Variants in FBXW7 observed in about 807,000 individuals in gnomAD.
FBXW7 encodes the protein F-box and WD repeat domain containing 7.
A neutral mutation model predicts 86.3 loss-of-function variants in FBXW7; 11 were observed. The ratio of observed to expected loss-of-function variants is 0.13; its 90% CI spans 0.08 to 0.21. The LOEUF is 0.21. FBXW7 is among the 10% of genes least tolerant of loss of function. The pLI is 1.00. For missense variants in FBXW7, 488 were observed against 847.4 expected, an observed-to-expected ratio of 0.58 and a Z score of 5.27; for synonymous variants, 313 against 297.9, an observed-to-expected ratio of 1.05 and a Z score of -0.52.
intron 4 of FBXW7, among the ~76,000 whole-genome samples, chr4:152,406,108 A>T (rs1159053392): frequency 6.6e-6 from 1 of 152,184 alleles, no homozygotes; most frequent in African/African-American, 2.4e-5. Context: ...AATGGATCAG[A>T]TCATTATAAT....
chr4:152,393,668 T>C (rs1312680983), intron 4 of FBXW7, among the ~76,000 whole-genome samples: 4 of 152,130 alleles, frequency 2.6e-5, no homozygotes, highest in African/African-American at 9.7e-5. Flanking sequence ...TGAATAACTG[T>C]TGGCACTTAC....
intron 2 of FBXW7, among the ~76,000 whole-genome samples, chr4:152,492,693 G>C (rs1745976326): frequency 6.6e-6 from 1 of 152,130 alleles, no homozygotes; most frequent in Non-Finnish European, 1.5e-5. Flanking sequence ...TATTAACATA[G>C]GAAATAAGAG....
At chr4:152,330,516 A>G (rs966905921) in intron 9 of FBXW7, among the ~76,000 whole-genome samples, 1 of 152,052 alleles carries the variant, frequency 6.6e-6, no homozygotes, top group African/African-American at 2.4e-5. Context: ...AAGATACTCA[A>G]TTTAACTTAT....
At chr4:152,460,944 T>C (rs1333918806) in intron 2 of FBXW7, among the ~76,000 whole-genome samples, 1 of 152,222 alleles carries the variant, frequency 6.6e-6, no homozygotes, top group Non-Finnish European at 1.5e-5. Context: ...TAGATGACTT[T>C]TATTAATCTA....
At chr4:152,385,025 C>T (rs1458002628) in intron 4 of FBXW7, among the ~76,000 whole-genome samples, 1 of 152,008 alleles carries the variant, frequency 6.6e-6, no homozygotes, top group Non-Finnish European at 1.5e-5. Context: ...TCTCATTAGA[C>T]AATCCCTTTT....
intron 4 of FBXW7, among the ~76,000 whole-genome samples, chr4:152,371,947 C>T (rs918254233): frequency 6.6e-6 from 1 of 151,788 alleles, no homozygotes; most frequent in African/African-American, 2.4e-5. Context: ...ATCTTTGTAA[C>T]AGTAGCAACA....
intron 2 of FBXW7, among the ~76,000 whole-genome samples, chr4:152,532,582 T>C (rs1750115856): frequency 6.6e-6 from 1 of 152,240 alleles, no homozygotes; most frequent in Non-Finnish European, 1.5e-5. Context: ...TTAAATATTG[T>C]GTCTCCACTT....
chr4:152,529,930 C>T (rs531264598), intron 2 of FBXW7, among the ~76,000 whole-genome samples: 104 of 151,818 alleles, frequency 6.9e-4, no homozygotes, highest in African/African-American at 2.4e-3. Flanking sequence ...GTGGCGCATG[C>T]CTGTGATCCC....
At chr4:152,511,299 C>CA (rs1009502383) in intron 2 of FBXW7, among the ~76,000 whole-genome samples, 27 of 151,284 alleles carry the variant, frequency 1.8e-4, no homozygotes, top group Admixed American at 1.8e-3. Flanking sequence ...CCCGCCCCCC[C>CA]CACCGAATCC....
intron 2 of FBXW7, among the ~76,000 whole-genome samples, chr4:152,485,132 T>C (rs974277048): frequency 1.3e-5 from 2 of 151,930 alleles, no homozygotes; most frequent in East Asian, 3.8e-4. Flanking sequence ...AAGATTTTTG[T>C]ATTAGTAAAA....
At chr4:152,468,054 A>C (rs895070750) in intron 2 of FBXW7, among the ~76,000 whole-genome samples, 5 of 152,090 alleles carry the variant, frequency 3.3e-5, no homozygotes, top group Non-Finnish European at 7.4e-5. Flanking sequence ...ATGTGAAATG[A>C]TGCTTATCAT....
chr4:152,392,274 G>A (rs920117136), intron 4 of FBXW7, among the ~76,000 whole-genome samples: 2 of 151,996 alleles, frequency 1.3e-5, no homozygotes, highest in Non-Finnish European at 2.9e-5. Context: ...GACCATTAGA[G>A]ATAGTAAAAA....
intron 4 of FBXW7, chr4:152,382,585 C>T (rs998919287): frequency 1.5e-5 from 12 of 790,098 alleles, no homozygotes; most frequent in Non-Finnish European, 1.8e-5. Context: ...GCTCCTGCTC[C>T]TGCCAGTCAA....
At chr4:152,532,169 C>A (rs987091975) in intron 2 of FBXW7, among the ~76,000 whole-genome samples, 1 of 152,322 alleles carries the variant, frequency 6.6e-6, no homozygotes, top group East Asian at 1.9e-4. Context: ...TTTGAAACTG[C>A]ACCAGTATCC....
intron 4 of FBXW7, among the ~76,000 whole-genome samples, chr4:152,360,239 T>A (rs1732808278): frequency 6.6e-6 from 1 of 152,186 alleles, no homozygotes; most frequent in African/African-American, 2.4e-5. Flanking sequence ...ACTGTGTGGG[T>A]GTGAAGACTG....
intron 2 of FBXW7, among the ~76,000 whole-genome samples, chr4:152,442,973 G>T (rs189209102): frequency 2.6e-5 from 4 of 152,084 alleles, no homozygotes; most frequent in African/African-American, 9.7e-5. Flanking sequence ...ACATATTAAA[G>T]CACCCAAGGC....
At chr4:152,461,940 A>C (rs965654859) in intron 2 of FBXW7, among the ~76,000 whole-genome samples, 1 of 150,266 alleles carries the variant, frequency 6.7e-6, no homozygotes, top group African/African-American at 2.5e-5. Flanking sequence ...GCTTTGTTAT[A>C]CAACTGATGA....
intron 2 of FBXW7, among the ~76,000 whole-genome samples, chr4:152,419,471 G>A (rs1307416248): frequency 7.4e-6 from 1 of 135,642 alleles, no homozygotes; most frequent in Non-Finnish European, 1.6e-5. Flanking sequence ...GAAATGTGTG[G>A]TAAGGCCCAC....
intron 4 of FBXW7, among the ~76,000 whole-genome samples, chr4:152,400,009 G>A (rs1172063574): frequency 3.9e-5 from 6 of 152,312 alleles, no homozygotes; most frequent in Admixed American, 2.6e-4. Flanking sequence ...TACTGAAGGA[G>A]AGGAATGAAG....
Sources: gnomAD v4.1 joint callset for allele counts (sites outside exome capture counted in the v4.1 genomes callset) on GRCh38, gnomAD v4.1.1 for gene constraint, MANE v1.5 for transcripts, NCBI Gene and HGNC (gene_info 2026-07-23, HGNC 2026-07-21) for gene names.